Variants in ADGRV1 observed in about 807,000 individuals in gnomAD.
The protein encoded by ADGRV1 is G-protein coupled receptor 98.
ADGRV1 carries 359 observed loss-of-function variants against 596.2 expected under a neutral mutation model. That is an observed-to-expected ratio of 0.60 (90% confidence interval 0.55 to 0.66). The LOEUF (loss-of-function observed/expected upper bound fraction) is 0.66. Ranked by LOEUF, ADGRV1 falls within the 30% of genes least tolerant of loss-of-function variation. ADGRV1 has a pLI of 0.00. For synonymous variants in ADGRV1, 2,681 were observed against 2,679.2 expected (o/e 1.00, Z -0.02); for missense variants, 7,274 against 7,575.6 (o/e 0.96, Z 1.48).
intron 37 of ADGRV1, 102 bp from the exon 38 acceptor site, chr5:90,706,129 T>C: frequency 1.1e-6 from 1 of 893,226 alleles, no homozygotes; most frequent in East Asian, 2.7e-5. Flanking sequence ...CCAATAATAC[T>C]AGCTACTAAA....
At chr5:90,811,874 A>G (rs1762469381) in intron 74 of ADGRV1, among the ~76,000 whole-genome samples, 1 of 150,772 alleles carries the variant, frequency 6.6e-6, no homozygotes, top group Admixed American at 6.6e-5. Context: ...TTTCTCATGT[A>G]TCTTATGCAA....
intron 83 of ADGRV1, among the ~76,000 whole-genome samples, chr5:90,954,526 C>A (rs1332104968): frequency 6.6e-6 from 1 of 152,030 alleles, no homozygotes; most frequent in Non-Finnish European, 1.5e-5. Context: ...ATATAACTGC[C>A]TTTCAACATC....
At chr5:90,815,854 G>T (rs1233376881) in intron 75 of ADGRV1, 118 bp downstream of exon 75, 3 of 627,294 alleles carry the variant, frequency 4.8e-6, no homozygotes, top group Middle Eastern at 3.3e-4. Flanking sequence ...GTCGAATTTG[G>T]CACGTCTTCA....
intron 9 of ADGRV1, among the ~76,000 whole-genome samples, chr5:90,633,572 A>G (rs1580528007): frequency 1.3e-5 from 2 of 152,008 alleles, no homozygotes; most frequent in Non-Finnish European, 2.9e-5. Flanking sequence ...CCATTCAAAT[A>G]TACATATTTT....
intron 83 of ADGRV1, among the ~76,000 whole-genome samples, chr5:90,950,446 C>T (rs1032830184): frequency 1.8e-4 from 28 of 152,100 alleles, no homozygotes; most frequent in African/African-American, 6.0e-4. Context: ...CTCAGCCTCC[C>T]GAGTAGCTGG....
chr5:90,782,439 T>G (rs1758947974), intron 65 of ADGRV1, among the ~76,000 whole-genome samples: 1 of 152,146 alleles, frequency 6.6e-6, no homozygotes, highest in Non-Finnish European at 1.5e-5. Flanking sequence ...TCTTTGGGAA[T>G]TTTGGTCAGT....
intron 86 of ADGRV1, among the ~76,000 whole-genome samples, chr5:91,092,129 C>T (rs1790439030): frequency 6.6e-6 from 1 of 152,114 alleles, no homozygotes; most frequent in Non-Finnish European, 1.5e-5. Context: ...GAGATAAAGT[C>T]TTGCTCTGTC....
chr5:90,587,293 A>G (rs1758878300), intron 1 of ADGRV1, among the ~76,000 whole-genome samples: 2 of 152,106 alleles, frequency 1.3e-5, no homozygotes, highest in Admixed American at 1.3e-4. Context: ...CTTTCCCCAG[A>G]TACCAGTCAT....
At chr5:90,690,523 A>G (rs1342876465) in intron 30 of ADGRV1, among the ~76,000 whole-genome samples, 1 of 152,188 alleles carries the variant, frequency 6.6e-6, no homozygotes, top group East Asian at 1.9e-4. Flanking sequence ...CTGTGCAATC[A>G]GCTTCTGTGC....
In ADGRV1 at chr5:90,759,589, G is replaced by A. The variant is rs766190197; in HGVS notation, c.12120+1G>A. Reference sequence around the variant, plus strand: ...AGTATTTGGATTTGAAGAAAAGACTGTAAGTTAAACATATCAGGGGAAAGC... The same window carrying A: ...AGTATTTGGATTTGAAGAAAAGACTATAAGTTAAACATATCAGGGGAAAGC... On this transcript the variant is annotated splice_donor_variant, in intron 58 of 89. Coordinates refer to ENST00000405460, the MANE Select transcript of ADGRV1 (RefSeq NM_032119.4). LOFTEE classifies it high-confidence loss of function. 6 of 1,610,726 alleles carry A rather than the reference G, an allele frequency of 3.7e-6. No individual in the cohort carries two copies. The highest frequency in any genetic ancestry group is 5.1e-6 in the Non-Finnish European group (6 of 1,177,338).
At chr5:90,667,028 C>T (rs1004903434) in intron 21 of ADGRV1, among the ~76,000 whole-genome samples, 1 of 152,176 alleles carries the variant, frequency 6.6e-6, no homozygotes, top group Non-Finnish European at 1.5e-5. Context: ...ACCTTTCTCT[C>T]TAGCTGCCCT....
chr5:90,702,789 GT>G (rs1368843182), intron 34 of ADGRV1, among the ~76,000 whole-genome samples: 1 of 151,918 alleles, frequency 6.6e-6, no homozygotes, highest in Non-Finnish European at 1.5e-5. Context: ...ATGCTATACA[GT>G]TTGATTAAGG....
At chr5:90,667,921 CG>C (rs1289908303) in intron 21 of ADGRV1, among the ~76,000 whole-genome samples, 3 of 151,446 alleles carry the variant, frequency 2.0e-5, no homozygotes, top group Non-Finnish European at 2.9e-5. Context: ...TTAGGCTGCT[CG>C]GGGGTCAGGG....
At chr5:90,855,605 T>G (rs949452993) in intron 81 of ADGRV1, 136 bp from the exon 82 acceptor site, 1 of 606,348 alleles carries the variant, frequency 1.6e-6, no homozygotes, top group Non-Finnish European at 2.9e-6. Context: ...CTTCACTGTT[T>G]CTTCTTGAAA....
intron 34 of ADGRV1, among the ~76,000 whole-genome samples, chr5:90,703,138 A>G (rs1227749343): frequency 6.6e-6 from 1 of 152,036 alleles, no homozygotes; most frequent in Non-Finnish European, 1.5e-5. Context: ...CAGATTTGAC[A>G]CCTTTCCTTT....
Position 90,683,950 on chromosome 5 carries a change from A to G in ADGRV1, c.6029A>G (p.Lys2010Arg), listed in dbSNP as rs774354351. 9.8e-5 allele frequency: 158 copies of G among 1,613,754 alleles called. No individual in the cohort carries two copies. Among genetic ancestry groups the G allele is most frequent in the Non-Finnish European group, 7.3e-5 (86 of 1,179,858 alleles). Residue 2010 changes from lysine (K) to arginine (R), a missense_variant, in exon 28 of 90, where the codon AAA becomes AGA. By Grantham distance (26) the Lys-to-Arg change is conservative. Transcript: ENST00000405460. The stretch of plus-strand genomic sequence containing the variant: ...ATAAGGTTGAAAGGCCTCATGGGAA[A>G]AGTCCTTGTCTCATATGCAACACTA... ...SIIRLKGLMG[K>R]VLVSYATLDD...
At chr5:90,953,257 C>T (rs900682750) in intron 83 of ADGRV1, among the ~76,000 whole-genome samples, 3 of 152,122 alleles carry the variant, frequency 2.0e-5, no homozygotes, top group African/African-American at 7.2e-5. Flanking sequence ...AGCTGTCAGA[C>T]CTTTGTTACC....
At chr5:90,666,508 C>G (rs1304873108) in intron 21 of ADGRV1, among the ~76,000 whole-genome samples, 3 of 149,024 alleles carry the variant, frequency 2.0e-5, no homozygotes, top group Admixed American at 6.8e-5. Context: ...CTATGTGTGT[C>G]TCTGCACGTG....
intron 85 of ADGRV1, among the ~76,000 whole-genome samples, chr5:91,040,427 TG>T (rs1237778825): frequency 6.6e-6 from 1 of 152,200 alleles, no homozygotes; most frequent in Non-Finnish European, 1.5e-5. Context: ...AATCCTGTGT[TG>T]GGTGAATTCA....
Sources: gnomAD v4.1 joint callset for allele counts (sites outside exome capture counted in the v4.1 genomes callset) on GRCh38, gnomAD v4.1.1 for gene constraint, MANE v1.5 for transcripts, NCBI Gene and HGNC (gene_info 2026-07-23, HGNC 2026-07-21) for gene names.